Variants in NAALADL2 observed in about 807,000 individuals in gnomAD.
The protein encoded by NAALADL2 is N-acetylated alpha-linked acidic dipeptidase like 2, also known as inactive N-acetylated-alpha-linked acidic dipeptidase-like protein 2.
In NAALADL2, 76 loss-of-function variants were observed where a neutral mutation model predicts 87.2. That is an observed-to-expected ratio of 0.87 (90% CI 0.72 to 1.05). The LOEUF (loss-of-function observed/expected upper bound fraction) is 1.05. Among genes scored for constraint, NAALADL2 ranks in the 50% least tolerant of loss-of-function variants. NAALADL2 has a pLI of 0.00. For missense variants in NAALADL2, 1,089 were observed against 945.8 expected (o/e 1.15, Z -1.99); for synonymous variants, 354 against 331.0 (o/e 1.07, Z -0.75).
intron 5 of NAALADL2, among the ~76,000 whole-genome samples, chr3:175,359,165 T>C (rs1440953621): frequency 6.6e-6 from 1 of 152,090 alleles, no homozygotes; most frequent in Non-Finnish European, 1.5e-5. Context: ...TCTCTTACTA[T>C]CAGTTAAACT....
intron 2 of NAALADL2, among the ~76,000 whole-genome samples, chr3:174,705,339 A>T (rs976977632): frequency 3.3e-5 from 5 of 152,256 alleles, no homozygotes; most frequent in African/African-American, 1.2e-4. Context: ...TCATTATAAT[A>T]AAATGGATGC....
At chr3:175,739,673 T>G (rs1283514130) in intron 12 of NAALADL2, among the ~76,000 whole-genome samples, 1 of 152,204 alleles carries the variant, frequency 6.6e-6, no homozygotes, top group Non-Finnish European at 1.5e-5. Flanking sequence ...TGAGCCTCTC[T>G]GGTATACTTG....
At chr3:174,890,405 G>T (rs1263919714) in intron 1 of NAALADL2, among the ~76,000 whole-genome samples, 1 of 152,016 alleles carries the variant, frequency 6.6e-6, no homozygotes, top group Non-Finnish European at 1.5e-5. Context: ...TAGTATCAAA[G>T]ACATGTAAAT....
At chr3:175,313,280 T>C (rs983175389) in intron 4 of NAALADL2, among the ~76,000 whole-genome samples, 3 of 152,134 alleles carry the variant, frequency 2.0e-5, no homozygotes, top group Admixed American at 1.3e-4. Context: ...CTTCAACATA[T>C]GCATTTTGAG....
intron 5 of NAALADL2, among the ~76,000 whole-genome samples, chr3:175,328,062 G>A (rs1760956418): frequency 6.6e-6 from 1 of 152,190 alleles, no homozygotes; most frequent in East Asian, 1.9e-4. Flanking sequence ...AGGATTTGAA[G>A]TATTTGGGGG....
intron 11 of NAALADL2, among the ~76,000 whole-genome samples, chr3:175,711,111 T>TCCTA (rs1203304506): frequency 1.3e-5 from 2 of 152,020 alleles, no homozygotes; most frequent in Non-Finnish European, 2.9e-5. Flanking sequence ...AGAAAATATT[T>TCCTA]CCTATGCATG....
chr3:174,471,796 T>A (rs1292774157), intron 1 of NAALADL2, among the ~76,000 whole-genome samples: 1 of 152,130 alleles, frequency 6.6e-6, no homozygotes, highest in South Asian at 2.1e-4. Context: ...AAATATGTAA[T>A]TCTTGGCATA....
intron 1 of NAALADL2, among the ~76,000 whole-genome samples, chr3:174,967,150 A>C (rs1742990731): frequency 6.6e-6 from 1 of 152,160 alleles, no homozygotes; most frequent in African/African-American, 2.4e-5. Context: ...CCTGAGTAGC[A>C]GGTAATAGTG....
intron 1 of NAALADL2, among the ~76,000 whole-genome samples, chr3:175,049,225 G>T (rs894277357): frequency 2.6e-5 from 4 of 152,190 alleles, no homozygotes; most frequent in South Asian, 2.1e-4. Context: ...ACTAAGAGGT[G>T]GGTAGCTTAT....
intron 5 of NAALADL2, among the ~76,000 whole-genome samples, chr3:175,349,882 A>C (rs1941496208): frequency 6.6e-6 from 1 of 152,102 alleles, no homozygotes; most frequent in African/African-American, 2.4e-5. Context: ...CCTGGCTAGC[A>C]TGTGCAGTGG....
At chr3:174,600,647 T>A (rs1718354700) in intron 2 of NAALADL2, among the ~76,000 whole-genome samples, 1 of 152,166 alleles carries the variant, frequency 6.6e-6, no homozygotes, top group Non-Finnish European at 1.5e-5. Context: ...AGAAGTTTAA[T>A]TGGCTCATGG....
At chr3:174,983,465 C>G (rs1745401796) in intron 1 of NAALADL2, among the ~76,000 whole-genome samples, 1 of 152,144 alleles carries the variant, frequency 6.6e-6, no homozygotes, top group South Asian at 2.1e-4. Flanking sequence ...AAAATATCGT[C>G]AAGTGAGTAC....
At chr3:174,777,555 A>G (rs1483733007) in intron 3 of NAALADL2, among the ~76,000 whole-genome samples, 3 of 152,134 alleles carry the variant, frequency 2.0e-5, no homozygotes, top group African/African-American at 4.8e-5. Flanking sequence ...GATAAACAAA[A>G]GTACATATCT....
At chr3:175,554,287 G>A (rs1241286436) in intron 9 of NAALADL2, among the ~76,000 whole-genome samples, 1 of 152,096 alleles carries the variant, frequency 6.6e-6, no homozygotes, top group Non-Finnish European at 1.5e-5. Context: ...GAATGCAATG[G>A]GAAGCCCTTG....
At chr3:175,610,537 C>T (rs1400164874) in intron 10 of NAALADL2, among the ~76,000 whole-genome samples, 1 of 151,970 alleles carries the variant, frequency 6.6e-6, no homozygotes, top group Non-Finnish European at 1.5e-5. Context: ...TCTGGTCTTC[C>T]AATGAATTAC....
chr3:174,945,606 A>G (rs1051602608), intron 1 of NAALADL2, among the ~76,000 whole-genome samples: 1 of 152,168 alleles, frequency 6.6e-6, no homozygotes, highest in African/African-American at 2.4e-5. Context: ...CCCAGACTTC[A>G]AGATTGAATA....
chr3:175,803,651 A>G lies in NAALADL2; in HGVS notation c.*448A>G, dbSNP rs1378913105. On this transcript the variant is annotated 3_prime_UTR_variant, in exon 14 of 14. Transcript: ENST00000454872. ...TTAACTTCACTATTAAGTGTTCAAT[A>G]TGAAGAATTCAAGTATTCTGACTGA... 1 of 152,906 alleles carries G rather than the reference A, an allele frequency of 6.5e-6. No homozygotes were observed. Among genetic ancestry groups the G allele is most frequent in the Non-Finnish European group, 1.5e-5 (1 of 68,254 alleles). The allele number at this position is 152,906 out of a possible 1,614,324, so 9.5% of individuals were successfully genotyped here.
chr3:175,446,359 G>A (rs376962018), intron 5 of NAALADL2, among the ~76,000 whole-genome samples: 16 of 151,728 alleles, frequency 1.1e-4, no homozygotes, highest in South Asian at 6.2e-4. Context: ...CTCCTGCCTC[G>A]GCCTCCTGAG....
chr3:175,489,676 T>C (rs1481842953), intron 9 of NAALADL2, among the ~76,000 whole-genome samples: 1 of 152,208 alleles, frequency 6.6e-6, no homozygotes, highest in Non-Finnish European at 1.5e-5. Context: ...GAAATGACCA[T>C]GCATGCTATT....
Sources: gnomAD v4.1 joint callset for allele counts (sites outside exome capture counted in the v4.1 genomes callset) on GRCh38, gnomAD v4.1.1 for gene constraint, MANE v1.5 for transcripts, NCBI Gene and HGNC (gene_info 2026-07-23, HGNC 2026-07-21) for gene names.